Variants in CSMD1 observed in about 807,000 individuals in gnomAD.
CSMD1 encodes the protein CUB and Sushi multiple domains 1.
A neutral mutation model predicts 417.5 loss-of-function variants in CSMD1; 213 were observed. That is an observed-to-expected ratio of 0.51 (90% confidence interval 0.46 to 0.57). The LOEUF is 0.57. Among genes scored for constraint, CSMD1 ranks in the 20% least tolerant of loss-of-function variants. The pLI is 0.00. For synonymous variants in CSMD1, 2,862 were observed against 1,736.8 expected (o/e 1.65, Z -16.11); for missense variants, 6,923 against 4,529.7 (o/e 1.53, Z -15.17).
chr8:3,594,407 A>C (rs895666561), intron 8 of CSMD1, among the ~76,000 whole-genome samples: 1 of 151,918 alleles, frequency 6.6e-6, no homozygotes, highest in Admixed American at 6.5e-5. Flanking sequence ...GATGCATAGA[A>C]TGTATTTTTT....
chr8:4,470,741 C>T (rs1800481711), intron 2 of CSMD1, among the ~76,000 whole-genome samples: 1 of 152,182 alleles, frequency 6.6e-6, no homozygotes, highest in Non-Finnish European at 1.5e-5. Context: ...CACAGAAAAA[C>T]ACCATGAATG....
At chr8:4,338,215 T>C (rs1034344943) in intron 3 of CSMD1, among the ~76,000 whole-genome samples, 5 of 152,170 alleles carry the variant, frequency 3.3e-5, no homozygotes, top group Admixed American at 6.5e-5. Flanking sequence ...CATGTCATAG[T>C]TCTTGCATAT....
intron 3 of CSMD1, among the ~76,000 whole-genome samples, chr8:4,174,662 G>A (rs577381344): frequency 1.0e-3 from 143 of 143,686 alleles, no homozygotes; most frequent in Non-Finnish European, 8.7e-4. Context: ...ATAGGAAACA[G>A]ACCCATGCTA....
chr8:4,262,131 G>C lies in CSMD1; in HGVS notation c.415+157822C>G, dbSNP rs538820277. Among the ~76,000 whole-genome samples, 4 of 152,202 alleles carry C rather than the reference G, an allele frequency of 2.6e-5. No individual in the cohort carries two copies. The South Asian group carries it at 8.3e-4, about 32-fold the overall frequency. ...TTCTCTTTCCTATAGAGAATTGTTA[G>C]AGTTCTAATTCTGCTATTTGTAGAT... On this transcript the variant is annotated intron_variant, in intron 3 of 69. Coordinates refer to ENST00000635120, the MANE Select transcript of CSMD1 (RefSeq NM_033225.6).
intron 1 of CSMD1, among the ~76,000 whole-genome samples, chr8:4,813,347 G>GA (rs564910038): frequency 7.2e-4 from 107 of 149,526 alleles, no homozygotes; most frequent in Admixed American, 3.1e-3. Context: ...TAAGATTCTG[G>GA]AAAAAAAAAA....
chr8:4,381,440 G>A (rs147668607), intron 3 of CSMD1, among the ~76,000 whole-genome samples: 3 of 152,256 alleles, frequency 2.0e-5, no homozygotes, highest in East Asian at 1.9e-4. Flanking sequence ...TGAAAAGGGG[G>A]TGGGGGCTGG....
Position 4,512,465 on chromosome 8 carries a change from TAGAG to T in CSMD1, c.303-92404_303-92401del, listed in dbSNP as rs538728862. On this transcript the variant is annotated intron_variant, in intron 2 of 69. Transcript: ENST00000635120. ...GTAGAGAAAATAAATGGAATACAGATAGAGAAGGAAGAAATAAAAGTTGTTTATT... is the reference window on the plus strand; with the variant it reads ...GTAGAGAAAATAAATGGAATACAGATAAGGAAGAAATAAAAGTTGTTTATT... 2.1e-3 allele frequency among the ~76,000 whole-genome samples: 318 copies of T among 152,200 alleles called. 3 individuals carry two copies. The highest frequency in any genetic ancestry group is 7.2e-3 in the African/African-American group (298 of 41,530).
intron 3 of CSMD1, among the ~76,000 whole-genome samples, chr8:4,184,287 T>C (rs758299192): frequency 2.6e-5 from 4 of 152,192 alleles, no homozygotes; most frequent in Non-Finnish European, 1.5e-5. Flanking sequence ...TCTAACGCTA[T>C]TCAGGAATTA....
intron 3 of CSMD1, among the ~76,000 whole-genome samples, chr8:4,198,447 G>C (rs554431446): frequency 1.3e-5 from 2 of 152,292 alleles, no homozygotes; most frequent in South Asian, 4.1e-4. Context: ...GTGGTGGTTA[G>C]GTAAAATATG....
At chr8:3,436,583 T>C (rs986889604) in intron 12 of CSMD1, among the ~76,000 whole-genome samples, 2 of 152,214 alleles carry the variant, frequency 1.3e-5, no homozygotes, top group Non-Finnish European at 2.9e-5. Context: ...ATCTTATAAA[T>C]CTTACGTATG....
intron 1 of CSMD1, among the ~76,000 whole-genome samples, chr8:4,966,227 A>G (rs867668223): frequency 6.6e-6 from 1 of 150,662 alleles, no homozygotes; most frequent in Non-Finnish European, 1.5e-5. Flanking sequence ...AAAAAAAAAA[A>G]AATTAGCTGG....
At chr8:4,650,852 G>A (rs922502483) in intron 1 of CSMD1, among the ~76,000 whole-genome samples, 4 of 152,170 alleles carry the variant, frequency 2.6e-5, no homozygotes, top group Non-Finnish European at 5.9e-5. Context: ...CAGAAAAATA[G>A]CTAGTTGCCT....
chr8:3,667,497 T>A (rs1768982908), intron 7 of CSMD1, among the ~76,000 whole-genome samples: 2 of 152,062 alleles, frequency 1.3e-5, no homozygotes, highest in Admixed American at 6.6e-5. Flanking sequence ...CCAGGGTGGC[T>A]GGAGCCAACT....
chr8:3,534,432 A>C (rs1798106571), intron 10 of CSMD1, among the ~76,000 whole-genome samples: 1 of 151,904 alleles, frequency 6.6e-6, no homozygotes, highest in East Asian at 1.9e-4. Flanking sequence ...GTTTTGGGCA[A>C]AGTGCCTATC....
At chr8:3,378,107 G>A (rs890942481) in intron 18 of CSMD1, among the ~76,000 whole-genome samples, 2 of 152,162 alleles carry the variant, frequency 1.3e-5, no homozygotes, top group African/African-American at 2.4e-5. Context: ...GTGTTTGATT[G>A]TTGGTAAGAA....
chr8:4,721,922 C>A (rs539535442), intron 1 of CSMD1, among the ~76,000 whole-genome samples: 1 of 151,960 alleles, frequency 6.6e-6, no homozygotes, highest in Admixed American at 6.6e-5. Context: ...AAACCAAACA[C>A]GAAAGAAAAA....
At chr8:3,533,949 A>C (rs531353335) in intron 10 of CSMD1, among the ~76,000 whole-genome samples, 1 of 152,222 alleles carries the variant, frequency 6.6e-6, no homozygotes, top group African/African-American at 2.4e-5. Flanking sequence ...CTCTCTAAGG[A>C]TAAGAGGGCA....
intron 3 of CSMD1, among the ~76,000 whole-genome samples, chr8:4,212,219 A>C (rs1042102385): frequency 3.3e-5 from 5 of 150,282 alleles, no homozygotes; most frequent in African/African-American, 1.2e-4. Flanking sequence ...TGTTGTTTTA[A>C]CTTATTATAC....
At chr8:4,992,889 C>T (rs770911712) in intron 1 of CSMD1, among the ~76,000 whole-genome samples, 1 of 152,188 alleles carries the variant, frequency 6.6e-6, no homozygotes, top group Non-Finnish European at 1.5e-5. Context: ...GATCTCGGGG[C>T]GCATTCCCGC....
Sources: allele counts gnomAD v4.1 joint callset (sites outside exome capture counted in the v4.1 genomes callset), GRCh38; gene constraint gnomAD v4.1.1; transcripts MANE v1.5; gene names NCBI Gene and HGNC (gene_info 2026-07-23, HGNC 2026-07-21).